SLC39A11: variants seen among roughly 807,000 people sequenced by gnomAD.
The protein encoded by SLC39A11 is solute carrier family 39 member 11.
A neutral mutation model predicts 36.1 loss-of-function variants in SLC39A11; 33 were observed. That is an observed-to-expected ratio of 0.91 (90% CI 0.69 to 1.22). The LOEUF is 1.22. Among genes scored for constraint, SLC39A11 ranks in the 50% most tolerant of loss-of-function variants. SLC39A11 has a pLI of 0.00. For synonymous variants in SLC39A11, 166 were observed against 170.3 expected, an observed-to-expected ratio of 0.97 and a Z score of 0.20; for missense variants, 432 against 430.3, an observed-to-expected ratio of 1.00 and a Z score of -0.03.
chr17:72,955,355 T>C (rs1301661253), intron 4 of SLC39A11, among the ~76,000 whole-genome samples: 1 of 130,136 alleles, frequency 7.7e-6, no homozygotes, highest in Admixed American at 1.0e-4. Context: ...CAAGATGGAG[T>C]GCAGTGGTGC....
intron 6 of SLC39A11, among the ~76,000 whole-genome samples, chr17:72,753,529 C>A (rs9914598): frequency 1.3e-5 from 2 of 152,152 alleles, no homozygotes; most frequent in Non-Finnish European, 1.5e-5. Context: ...GATAAATATG[C>A]TCTTGAATCT....
intron 6 of SLC39A11, among the ~76,000 whole-genome samples, chr17:72,791,973 T>G (rs73998406): frequency 0.04 from 6,111 of 152,284 alleles, 133 homozygotes; most frequent in African/African-American, 0.055. Context: ...GGCATGAGAA[T>G]GGATTAACAC....
intron 3 of SLC39A11, among the ~76,000 whole-genome samples, chr17:73,082,381 G>C (rs940529473): frequency 2.0e-5 from 3 of 151,920 alleles, no homozygotes; most frequent in Admixed American, 2.0e-4. Context: ...CTTTATTCTT[G>C]TTTTTTCAAT....
At chr17:72,953,492 G>T (rs1056454195) in intron 4 of SLC39A11, among the ~76,000 whole-genome samples, 4 of 152,142 alleles carry the variant, frequency 2.6e-5, no homozygotes, top group African/African-American at 9.7e-5. Flanking sequence ...AAATCCTGGG[G>T]CTGTGCAGTG....
chr17:73,069,985 T>C (rs2060112646), intron 3 of SLC39A11, among the ~76,000 whole-genome samples: 1 of 152,206 alleles, frequency 6.6e-6, no homozygotes, highest in South Asian at 2.1e-4. Flanking sequence ...CTGGATTCAA[T>C]GAAGTATTGG....
chr17:72,994,825 G>A (rs914658692), intron 4 of SLC39A11, among the ~76,000 whole-genome samples: 7 of 152,300 alleles, frequency 4.6e-5, no homozygotes, highest in Admixed American at 2.0e-4. Context: ...CTGGGTTCTT[G>A]ATGCTTTTAG....
At chr17:73,012,997 C>T (rs1401730301) in intron 4 of SLC39A11, among the ~76,000 whole-genome samples, 1 of 152,130 alleles carries the variant, frequency 6.6e-6, no homozygotes, top group Non-Finnish European at 1.5e-5. Flanking sequence ...TGGGATTTTA[C>T]CATGTTGGCC....
chr17:72,750,276 G>T (rs944167294), intron 6 of SLC39A11, among the ~76,000 whole-genome samples: 1 of 152,070 alleles, frequency 6.6e-6, no homozygotes, highest in African/African-American at 2.4e-5. Flanking sequence ...GGTTGGACCC[G>T]ATTGCCTTGT....
chr17:72,685,022 T>C (rs556117145), intron 7 of SLC39A11, among the ~76,000 whole-genome samples: 1 of 152,150 alleles, frequency 6.6e-6, no homozygotes, highest in Non-Finnish European at 1.5e-5. Flanking sequence ...AAGATACAAA[T>C]GGTGCTGAGC....
chr17:72,766,282 G>A (rs1331521899), intron 6 of SLC39A11, among the ~76,000 whole-genome samples: 1 of 152,132 alleles, frequency 6.6e-6, no homozygotes, highest in African/African-American at 2.4e-5. Context: ...GTTGCGCTAT[G>A]GGTGGAAAGA....
intron 5 of SLC39A11, among the ~76,000 whole-genome samples, chr17:72,912,649 CGGAGGAGAA>C (rs1359412003): frequency 1.3e-4 from 20 of 151,910 alleles, no homozygotes; most frequent in Non-Finnish European, 2.9e-5. Context: ...AGTAGGCTGA[CGGAGGAGAA>C]CCTGAGGGTA....
chr17:72,787,253 CTTTTTTT>C (rs56100121), intron 6 of SLC39A11, among the ~76,000 whole-genome samples: 1 of 80,484 alleles, frequency 1.2e-5, no homozygotes, highest in Non-Finnish European at 2.2e-5. Context: ...TAACCCATGG[CTTTTTTT>C]TTTTTTTTTT....
intron 6 of SLC39A11, among the ~76,000 whole-genome samples, chr17:72,827,511 T>A (rs527520755): frequency 3.3e-5 from 5 of 152,314 alleles, no homozygotes; most frequent in Non-Finnish European, 1.5e-5. Flanking sequence ...TACATTTTGA[T>A]AAAGCTGTTA....
At chr17:72,874,117 C>T (rs2080779293) in intron 5 of SLC39A11, among the ~76,000 whole-genome samples, 1 of 152,170 alleles carries the variant, frequency 6.6e-6, no homozygotes, top group Non-Finnish European at 1.5e-5. Context: ...TGAGAACCGA[C>T]TAATATACTC....
intron 6 of SLC39A11, among the ~76,000 whole-genome samples, chr17:72,793,244 G>A (rs567705428): frequency 3.7e-4 from 57 of 152,288 alleles, no homozygotes; most frequent in African/African-American, 1.2e-3. Context: ...AGAGAAGCAG[G>A]ATGATCAAAG....
At chr17:72,706,342 T>G (rs2072894440) in intron 7 of SLC39A11, among the ~76,000 whole-genome samples, 1 of 152,180 alleles carries the variant, frequency 6.6e-6, no homozygotes, top group Non-Finnish European at 1.5e-5. Flanking sequence ...ACAGTATCCT[T>G]GATTTTCTGT....
chr17:72,842,744 C>T (rs569855927), intron 6 of SLC39A11, among the ~76,000 whole-genome samples: 2 of 152,296 alleles, frequency 1.3e-5, no homozygotes, highest in South Asian at 2.1e-4. Context: ...AGACCACCCC[C>T]ACAGATGCAC....
intron 5 of SLC39A11, among the ~76,000 whole-genome samples, chr17:72,905,597 T>TAA (rs570222840): frequency 7.7e-5 from 11 of 143,328 alleles, no homozygotes; most frequent in African/African-American, 2.8e-4. Flanking sequence ...ACTCTGTCTC[T>TAA]AAAAAAAAAA....
At chr17:72,717,535 G>A (rs529037703) in intron 7 of SLC39A11, among the ~76,000 whole-genome samples, 2 of 152,214 alleles carry the variant, frequency 1.3e-5, no homozygotes, top group Non-Finnish European at 2.9e-5. Flanking sequence ...ACTACCACAA[G>A]GCCGTCTTCC....
Sources: allele counts gnomAD v4.1 joint callset (sites outside exome capture counted in the v4.1 genomes callset), GRCh38; gene constraint gnomAD v4.1.1; transcripts MANE v1.5; gene names NCBI Gene and HGNC (gene_info 2026-07-23, HGNC 2026-07-21).